The following CNTNAP2 variants were observed in gnomAD, a reference collection of about 807,000 sequenced individuals.
CNTNAP2 encodes contactin associated protein 2.
A neutral mutation model predicts 155.2 loss-of-function variants in CNTNAP2; 98 were observed. That is an observed-to-expected ratio of 0.63 (90% CI 0.54 to 0.75). The LOEUF is 0.75. Among genes scored for constraint, CNTNAP2 ranks in the 30% least tolerant of loss-of-function variants. CNTNAP2 has a pLI of 0.00. For synonymous variants in CNTNAP2, 651 were observed against 631.2 expected (o/e 1.03, Z -0.47); for missense variants, 1,727 against 1,688.1 (o/e 1.02, Z -0.40).
intron 9 of CNTNAP2, among the ~76,000 whole-genome samples, chr7:147,325,611 C>CAGTCA (rs1233772870): frequency 3.3e-5 from 5 of 152,044 alleles, no homozygotes; most frequent in African/African-American, 1.2e-4. Context: ...TCTTTTTAGC[C>CAGTCA]AGTCAAATGA....
At chr7:148,033,648 A>G (rs937946262) in intron 15 of CNTNAP2, among the ~76,000 whole-genome samples, 19 of 152,180 alleles carry the variant, frequency 1.2e-4, no homozygotes, top group African/African-American at 4.3e-4. Flanking sequence ...TAGATTTTTG[A>G]CTGCACATAT....
intron 12 of CNTNAP2, among the ~76,000 whole-genome samples, chr7:147,594,091 A>T (rs1800785071): frequency 6.6e-6 from 1 of 151,318 alleles, no homozygotes. Flanking sequence ...CAACATTTGC[A>T]AGGCAAGAGA....
chr7:147,928,018 G>A (rs951791906), intron 14 of CNTNAP2, among the ~76,000 whole-genome samples: 12 of 152,102 alleles, frequency 7.9e-5, no homozygotes, highest in South Asian at 6.2e-4. Context: ...TGAATTATGG[G>A]GCAGTTTTTC....
intron 14 of CNTNAP2, among the ~76,000 whole-genome samples, chr7:147,951,020 G>T (rs1159119155): frequency 6.6e-6 from 1 of 152,152 alleles, no homozygotes; most frequent in Non-Finnish European, 1.5e-5. Context: ...GACTCTAACT[G>T]CTTCTTTGGG....
intron 1 of CNTNAP2, among the ~76,000 whole-genome samples, chr7:146,167,385 C>T (rs186553083): frequency 1.0e-3 from 155 of 152,292 alleles, no homozygotes; most frequent in Non-Finnish European, 1.4e-3. Flanking sequence ...CACAATACTT[C>T]AGCTGAAAGT....
rs565942353 is a variant in CNTNAP2, at chr7:148,009,130, A to T, written c.2383+31141A>T. Among the ~76,000 whole-genome samples the T allele has an allele frequency of 3.9e-5, 6 of 152,322 alleles. No individual in the cohort carries two copies. In the South Asian group the frequency reaches 1.2e-3, roughly 32 times the overall value. On this transcript the variant is annotated intron_variant, in intron 15 of 23. Coordinates refer to ENST00000361727, the MANE Select transcript of CNTNAP2 (RefSeq NM_014141.6). ...GTTGAAAATATATCAAAAGTTGAAA[A>T]TTCGTTTAATACACCTAACCTACCA... is the stretch of plus-strand genomic sequence containing the variant.
intron 10 of CNTNAP2, 28 bp downstream of exon 10, chr7:147,395,808 G>T: frequency 6.2e-7 from 1 of 1,610,072 alleles, no homozygotes; most frequent in Non-Finnish European, 8.5e-7. Flanking sequence ...CCTACCTCAC[G>T]TTGTCCAAAC....
intron 18 of CNTNAP2, among the ~76,000 whole-genome samples, chr7:148,189,423 C>A (rs1363413058): frequency 2.6e-5 from 4 of 152,084 alleles, no homozygotes; most frequent in Non-Finnish European, 4.4e-5. Flanking sequence ...CAAGAGCAGG[C>A]AATTATAAAA....
chr7:146,937,017 A>G (rs1017511989), intron 3 of CNTNAP2, among the ~76,000 whole-genome samples: 12 of 152,244 alleles, frequency 7.9e-5, no homozygotes, highest in African/African-American at 2.7e-4. Flanking sequence ...TGTAAGATCA[A>G]TAAAAGCTTC....
chr7:148,249,218 T>C (rs1796325220), intron 20 of CNTNAP2, among the ~76,000 whole-genome samples: 1 of 152,214 alleles, frequency 6.6e-6, no homozygotes. Context: ...CTCTTATGGA[T>C]ACTATCAATG....
intron 12 of CNTNAP2, among the ~76,000 whole-genome samples, chr7:147,612,894 A>G (rs933570860): frequency 5.3e-5 from 8 of 152,260 alleles, no homozygotes; most frequent in Middle Eastern, 3.4e-3. Context: ...TTATTTTCAA[A>G]TATTTTATAA....
chr7:146,721,260 CTCTCTATATAT>C (rs1801298735), intron 1 of CNTNAP2, among the ~76,000 whole-genome samples: 1 of 107,110 alleles, frequency 9.3e-6, no homozygotes, highest in African/African-American at 4.0e-5. Context: ...TCTCTATATA[CTCTCTATATAT>C]TCTATATATA....
At chr7:147,243,855 C>T (rs75905796) in intron 8 of CNTNAP2, among the ~76,000 whole-genome samples, 11,695 of 152,068 alleles carry the variant, frequency 0.077, 483 homozygotes, top group Non-Finnish European at 0.095. Context: ...ATAAACTGAA[C>T]AGTGTTACTA....
At chr7:146,653,166 C>T (rs559554875) in intron 1 of CNTNAP2, among the ~76,000 whole-genome samples, 107 of 152,156 alleles carry the variant, frequency 7.0e-4, no homozygotes, top group African/African-American at 2.5e-3. Context: ...CTATTTTGGT[C>T]CATTTTAAAG....
chr7:147,022,028 A>G (rs1303721889), intron 3 of CNTNAP2, among the ~76,000 whole-genome samples: 6 of 151,962 alleles, frequency 3.9e-5, no homozygotes, highest in African/African-American at 1.5e-4. Context: ...TTATTTTTAT[A>G]TATATGAAAT....
At chr7:147,916,193 C>T (rs1800157452) in intron 14 of CNTNAP2, among the ~76,000 whole-genome samples, 2 of 152,038 alleles carry the variant, frequency 1.3e-5, no homozygotes, top group South Asian at 2.1e-4. Context: ...CTGTTATTGG[C>T]AATGGGGAAG....
chr7:147,014,643 C>T (rs1798687032), intron 3 of CNTNAP2, among the ~76,000 whole-genome samples: 1 of 152,124 alleles, frequency 6.6e-6, no homozygotes. Context: ...ACACCTCCCA[C>T]CCAACAAAAC....
intron 8 of CNTNAP2, among the ~76,000 whole-genome samples, chr7:147,234,860 G>C (rs1010083188): frequency 6.6e-6 from 1 of 152,170 alleles, no homozygotes; most frequent in African/African-American, 2.4e-5. Flanking sequence ...TATCACAGGA[G>C]TGATCCTGTT....
chr7:147,788,211 A>G (rs1000613948), intron 13 of CNTNAP2, among the ~76,000 whole-genome samples: 3 of 152,238 alleles, frequency 2.0e-5, no homozygotes, highest in Non-Finnish European at 4.4e-5. Flanking sequence ...TTAAACATCT[A>G]CTGGAGTATA....
Sources: allele counts gnomAD v4.1 joint callset (sites outside exome capture counted in the v4.1 genomes callset), GRCh38; gene constraint gnomAD v4.1.1; transcripts MANE v1.5; gene names NCBI Gene and HGNC (gene_info 2026-07-23, HGNC 2026-07-21).